The following CIT variants were observed in gnomAD, a reference collection of about 807,000 sequenced individuals.
CIT encodes citron rho-interacting serine/threonine kinase.
Under a neutral mutation model 272.7 loss-of-function variants are expected in CIT, and 79 were observed. The observed-to-expected ratio is 0.29, with a 90% CI of 0.24 to 0.35. CIT has a LOEUF of 0.35. CIT is among the 10% of genes least tolerant of loss of function. The pLI, the probability that CIT is intolerant of heterozygous loss-of-function variation, is 1.00. For synonymous variants in CIT, 948 were observed against 995.6 expected, an observed-to-expected ratio of 0.95 and a Z score of 0.90; for missense variants, 1,909 against 2,618.3, an observed-to-expected ratio of 0.73 and a Z score of 5.91.
intron 19 of CIT, among the ~76,000 whole-genome samples, chr12:119,766,214 A>G (rs988025751): frequency 6.8e-6 from 1 of 146,600 alleles, no homozygotes; most frequent in Admixed American, 7.0e-5. Context: ...CATCCTGCAC[A>G]TGTACCCCAG....
intron 41 of CIT, among the ~76,000 whole-genome samples, chr12:119,702,517 C>G (rs1223558007): frequency 6.6e-6 from 1 of 152,060 alleles, no homozygotes; most frequent in Non-Finnish European, 1.5e-5. Context: ...GAAACCCCGT[C>G]TCTACTAAAA....
rs559485452 is a variant in CIT at position 119,694,756 on chromosome 12, G to A, written c.5882+2903C>T. Among the ~76,000 whole-genome samples the A allele has an allele frequency of 9.5e-4, 145 of 152,126 alleles. 1 individual carries two copies. The highest frequency in any genetic ancestry group is 1.3e-3 in the Non-Finnish European group (88 of 68,008). On this transcript the variant is annotated intron_variant, in intron 46 of 47. Coordinates refer to ENST00000392521, the MANE Select transcript of CIT (RefSeq NM_001206999.2). This position sits in a 1 kb window ranked among gnomAD's most constrained non-coding sequence, Gnocchi z 4.5. ...CAGGAGGCGGAGGTTGCAGTGAGCC[G>A]AGATCACGCCACTGTGCTCCAGCCT...
intron 22 of CIT, among the ~76,000 whole-genome samples, chr12:119,755,624 T>C (rs1209216158): frequency 6.6e-6 from 1 of 152,254 alleles, no homozygotes; most frequent in Non-Finnish European, 1.5e-5. Flanking sequence ...CGAACCCTGC[T>C]GCTAGGCTAA....
chr12:119,840,217 G>T (rs927578256), intron 5 of CIT, among the ~76,000 whole-genome samples: 5 of 152,186 alleles, frequency 3.3e-5, no homozygotes, highest in Non-Finnish European at 5.9e-5. Flanking sequence ...ACTCAGGAGG[G>T]TGAGGTGGGA....
chr12:119,802,768 T>C (rs955481024), intron 10 of CIT, among the ~76,000 whole-genome samples: 1 of 152,106 alleles, frequency 6.6e-6, no homozygotes, highest in Non-Finnish European at 1.5e-5. Context: ...TGAGACAAGG[T>C]TTTTAGGATT....
intron 10 of CIT, among the ~76,000 whole-genome samples, chr12:119,789,800 G>A (rs1484970985): frequency 6.6e-6 from 1 of 152,016 alleles, no homozygotes; most frequent in Non-Finnish European, 1.5e-5. Flanking sequence ...TCCACCTCCC[G>A]GGTTCAAGCG....
At chr12:119,711,255 A>G (rs1177812445) in intron 37 of CIT, among the ~76,000 whole-genome samples, 1 of 152,204 alleles carries the variant, frequency 6.6e-6, no homozygotes, top group Non-Finnish European at 1.5e-5. Context: ...AGGAGTGAAG[A>G]GTCTGAAAAG....
intron 24 of CIT, among the ~76,000 whole-genome samples, chr12:119,739,589 A>G (rs1297807660): frequency 1.3e-4 from 20 of 152,232 alleles, no homozygotes; most frequent in Admixed American, 1.3e-3. Flanking sequence ...GTTCTAAAGT[A>G]GTGGTATTCA....
rs754936573 is a variant in CIT, at chr12:119,721,456, G to T, written c.3592-7C>A. On this transcript the variant is annotated splice_polypyrimidine_tract_variant and splice_region_variant and intron_variant, in intron 28 of 47. Coordinates refer to ENST00000392521, the MANE Select transcript of CIT (RefSeq NM_001206999.2). ...GCTGCTGTAATTTGGCTTGCTAGTGGGGAGAAGGGCCAGGGAAATGCTTGA... is the reference window on the plus strand; with the variant it reads ...GCTGCTGTAATTTGGCTTGCTAGTGTGGAGAAGGGCCAGGGAAATGCTTGA... 5 of 1,600,174 alleles carry T rather than the reference G, an allele frequency of 3.1e-6. No homozygotes were observed. Among genetic ancestry groups the T allele is most frequent in the Non-Finnish European group, 4.3e-6 (5 of 1,168,768 alleles).
intron 13 of CIT, among the ~76,000 whole-genome samples, chr12:119,781,873 A>G (rs1357267851): frequency 6.6e-6 from 1 of 152,250 alleles, no homozygotes; most frequent in African/African-American, 2.4e-5. Flanking sequence ...GCATCTGAGA[A>G]GCTATTAAAA....
chr12:119,815,845 G>A (rs1338607721), intron 9 of CIT, among the ~76,000 whole-genome samples: 2 of 152,192 alleles, frequency 1.3e-5, no homozygotes, highest in Admixed American at 6.5e-5. Flanking sequence ...GCTTGAGGGA[G>A]AGGGGTTGGG....
At chr12:119,803,524 G>A (rs1269252280) in intron 9 of CIT, 135 bp from the exon 10 acceptor site, 21 of 570,432 alleles carry the variant, frequency 3.7e-5, no homozygotes, top group South Asian at 2.6e-4. Flanking sequence ...AATCTAGCTC[G>A]CAACCTCGGC....
At chr12:119,795,323 G>T (rs1197047551) in intron 10 of CIT, among the ~76,000 whole-genome samples, 1 of 152,132 alleles carries the variant, frequency 6.6e-6, no homozygotes, top group Admixed American at 6.5e-5. Flanking sequence ...GGAGGCGGAG[G>T]TTGCAATAAG....
At chr12:119,823,208 C>T (rs969745278) in intron 8 of CIT, among the ~76,000 whole-genome samples, 10 of 152,136 alleles carry the variant, frequency 6.6e-5, no homozygotes, top group African/African-American at 9.7e-5. Context: ...GGCTTGACCC[C>T]GGCTCCCCTT....
At chr12:119,769,253 C>A (rs984530362) in intron 18 of CIT, among the ~76,000 whole-genome samples, 9 of 152,102 alleles carry the variant, frequency 5.9e-5, no homozygotes, top group African/African-American at 2.2e-4. Flanking sequence ...ACTCTCTACT[C>A]CTCCATTTTA....
At chr12:119,737,150 A>G (rs1958810617) in intron 24 of CIT, among the ~76,000 whole-genome samples, 1 of 152,054 alleles carries the variant, frequency 6.6e-6, no homozygotes, top group Admixed American at 6.6e-5. Context: ...TACTAAAAAT[A>G]CAAAAAATTA....
chr12:119,849,400 C>T (rs1212692436), intron 5 of CIT, among the ~76,000 whole-genome samples: 2 of 152,028 alleles, frequency 1.3e-5, no homozygotes, highest in African/African-American at 4.8e-5. Flanking sequence ...GCACTCCAGC[C>T]TGGGTGACAA....
At chr12:119,864,284 T>C (rs1217293536) in intron 3 of CIT, among the ~76,000 whole-genome samples, 2 of 152,142 alleles carry the variant, frequency 1.3e-5, no homozygotes, top group Non-Finnish European at 2.9e-5. Context: ...ATCAACACTT[T>C]TCTGTGTAAG....
intron 9 of CIT, among the ~76,000 whole-genome samples, chr12:119,819,189 T>C (rs913970970): frequency 1.3e-5 from 2 of 152,194 alleles, no homozygotes; most frequent in African/African-American, 4.8e-5. Context: ...AAAACCAATC[T>C]TGTGGGAGGC....
Sources: allele counts gnomAD v4.1 joint callset (sites outside exome capture counted in the v4.1 genomes callset), GRCh38; gene constraint gnomAD v4.1.1; non-coding constraint Gnocchi (gnomAD v3.1); transcripts MANE v1.5; gene names NCBI Gene and HGNC (gene_info 2026-07-23, HGNC 2026-07-21).